Variants in PLEKHG5 observed in about 807,000 individuals in gnomAD.
The protein encoded by PLEKHG5 is pleckstrin homology domain-containing family G member 5.
A neutral mutation model predicts 103.8 loss-of-function variants in PLEKHG5; 52 were observed. The observed-to-expected ratio is 0.50, with a 90% CI of 0.40 to 0.63. PLEKHG5 has a LOEUF of 0.63. Ranked by LOEUF, PLEKHG5 falls within the 30% of genes least tolerant of loss-of-function variation. The probability of loss-of-function intolerance (pLI) is 0.00; values close to 1 mark genes in which losing one functional copy is unlikely to be tolerated. For synonymous variants in PLEKHG5, 592 were observed against 575.5 expected, an observed-to-expected ratio of 1.03 and a Z score of -0.41; for missense variants, 1,205 against 1,347.6, an observed-to-expected ratio of 0.89 and a Z score of 1.66.
chr1:6,517,491 G>A lies in PLEKHG5; in HGVS notation c.-165+1954C>T, dbSNP rs545975501. On this transcript the variant is annotated intron_variant, in intron 1 of 21. Transcript: ENST00000377740. Reference sequence around the variant, plus strand: ...AGGGCCAGGCTTATTTAATTAAGTGGCCATTTTACTATGTGAGTGCTAGGG... The same window carrying A: ...AGGGCCAGGCTTATTTAATTAAGTGACCATTTTACTATGTGAGTGCTAGGG... Among the ~76,000 whole-genome samples the A allele has an allele frequency of 3.9e-5, 6 of 152,164 alleles. No individual in the cohort carries two copies. The South Asian group carries it at 1.0e-3, about 26-fold the overall frequency.
Position 6,470,290 on chromosome 1 carries a change from C to A in PLEKHG5, c.1746G>T (p.Thr582=), listed in dbSNP as rs754094101. 1.2e-6 allele frequency: 2 copies of A among 1,614,032 alleles called. No homozygotes were observed. The highest frequency in any genetic ancestry group is 2.2e-5 in the South Asian group (2 of 91,086). The part of the protein sequence containing the change: ...APIPGASPEE[T]RQLLLEGSLR... The stretch of plus-strand genomic sequence containing the variant: ...GGCTCCCCTCCAGCAGCAGCTGCCG[C>A]GTCTCCTCCGGGGAGGCGCCAGGGA... The change falls in exon 16 of 21, where the codon ACG becomes ACT. Residue 582 remains threonine, a synonymous_variant. Coordinates refer to ENST00000377728, the MANE Select transcript of PLEKHG5 (RefSeq NM_020631.6).
In PLEKHG5 at chr1:6,505,123, C is replaced by T. The variant is rs1348170097; in HGVS notation, c.-164-8554G>A. On this transcript the variant is annotated intron_variant, in intron 1 of 21. Coordinates refer to the PLEKHG5 transcript ENST00000377740. This position sits in a 1 kb window ranked among gnomAD's most constrained non-coding sequence, Gnocchi z 4.2. ...AGAACCCAGGCCCAGGCCCCGGCCC[C>T]AGACAGTTCCACAGTGCTGGGAGCT... Among the ~76,000 whole-genome samples the T allele has an allele frequency of 6.6e-6, 1 of 152,208 alleles. No individual in the cohort carries two copies. Among genetic ancestry groups the T allele is most frequent in the African/African-American group, 2.4e-5 (1 of 41,442 alleles).
upstream of PLEKHG5, chr1:6,491,756 C>T: frequency 3.2e-6 from 3 of 931,992 alleles, no homozygotes; most frequent in Non-Finnish European, 3.8e-6. This position sits in a 1 kb window ranked among gnomAD's most constrained non-coding sequence, Gnocchi z 4.1. Flanking sequence ...ACCTCACAGG[C>T]CATTGTTAAG....
At position 6,473,518 on chromosome 1, in the gene PLEKHG5, C is replaced by T. The variant is rs192811593; in HGVS notation, c.592-64G>A. On this transcript the variant is annotated intron_variant, in intron 7 of 20. Transcript: ENST00000377728. Reference sequence around the variant, plus strand: ...CAGCCCCCATGGCCCCACCCCAGGGCGGGTTTCCAGGGCCTCAGGCCAGCC... The same window carrying T: ...CAGCCCCCATGGCCCCACCCCAGGGTGGGTTTCCAGGGCCTCAGGCCAGCC... 6.1e-4 allele frequency: 846 copies of T among 1,384,698 alleles called. 11 individuals are homozygous for T. The African/African-American group carries it at 0.011, about 18-fold the overall frequency. The allele number at this position is 1,384,698 out of a possible 1,614,324, so 85.8% of individuals were successfully genotyped here.
At chr1:6,481,960 G>A (rs901126022) in intron 1 of PLEKHG5, among the ~76,000 whole-genome samples, 19 of 150,616 alleles carry the variant, frequency 1.3e-4, no homozygotes, top group Non-Finnish European at 4.4e-5. Flanking sequence ...CCCATTCAGG[G>A]ACCTCCTGTC....
At chr1:6,517,985 T>A (rs1336374489) in intron 1 of PLEKHG5, among the ~76,000 whole-genome samples, 1 of 151,924 alleles carries the variant, frequency 6.6e-6, no homozygotes, top group Non-Finnish European at 1.5e-5. Context: ...CAGGCTGGAG[T>A]GCAGTGGCTC....
In PLEKHG5 at chr1:6,474,956, A is replaced by G. The variant is rs946017801; in HGVS notation, c.302+91T>C. The G allele has an allele frequency of 1.8e-4, 152 of 852,586 alleles. No individual in the cohort carries two copies. The African/African-American group carries it at 2.4e-3, about 13-fold the overall frequency. The allele number at this position is 852,586 out of a possible 1,614,324, so 52.8% of individuals were successfully genotyped here. On this transcript the variant is annotated intron_variant, in intron 5 of 20. Coordinates refer to ENST00000377728, the MANE Select transcript of PLEKHG5 (RefSeq NM_020631.6). Reference sequence around the variant, plus strand: ...CGCTCACGGGCCACCACACAGACACACACGTCACACCTGCAGAGACCCGGA... The same window carrying G: ...CGCTCACGGGCCACCACACAGACACGCACGTCACACCTGCAGAGACCCGGA...
chr1:6,474,705 C>A (rs997674447), intron 5 of PLEKHG5, 118 bp from the exon 6 acceptor site: 77 of 1,037,526 alleles, frequency 7.4e-5, no homozygotes, highest in Non-Finnish European at 9.8e-5. Flanking sequence ...ACCTTCCCAA[C>A]GGAAAAGGGA....
rs528510200 is a variant in PLEKHG5 at position 6,486,591 on chromosome 1, C to A, written c.-88+5046G>T. 1.2e-4 allele frequency among the ~76,000 whole-genome samples: 18 copies of A among 152,348 alleles called. No individual in the cohort carries two copies. The highest frequency in any genetic ancestry group is 2.1e-4 in the Non-Finnish European group (14 of 68,034). ...GAGGCATCAGGAAACCCTGGCGACCCACATGGCACAGCAGCCCAGGTCCCT... is the reference window on the plus strand; with the variant it reads ...GAGGCATCAGGAAACCCTGGCGACCAACATGGCACAGCAGCCCAGGTCCCT... On this transcript the variant is annotated intron_variant, in intron 1 of 20. Transcript: ENST00000377728. The surrounding 1 kb of genome is among the most constrained non-coding windows in gnomAD (Gnocchi z 5.3).
Position 6,477,671 on chromosome 1 carries a change from C to A in PLEKHG5, c.-87-13G>T, listed in dbSNP as rs1644799988. On this transcript the variant is annotated splice_polypyrimidine_tract_variant and intron_variant, in intron 1 of 20. Coordinates refer to ENST00000377728, the MANE Select transcript of PLEKHG5 (RefSeq NM_020631.6). Reference sequence around the variant, plus strand: ...CGTGGTGACATACCTGGGGTGGGGACAGAAGCCTTCAGGAGGTCCACGAGA... The same window carrying A: ...CGTGGTGACATACCTGGGGTGGGGAAAGAAGCCTTCAGGAGGTCCACGAGA... 3.1e-6 allele frequency: 5 copies of A among 1,599,542 alleles called. No individual in the cohort carries two copies. The highest frequency in any genetic ancestry group is 1.7e-5 in the Admixed American group (1 of 59,936).
chr1:6,509,122 C>A (rs916294165), intron 1 of PLEKHG5, among the ~76,000 whole-genome samples: 1 of 152,248 alleles, frequency 6.6e-6, no homozygotes, highest in South Asian at 2.1e-4. Flanking sequence ...GGAAGCCTCA[C>A]GGCCTCTGGA....
intron 7 of PLEKHG5, 37 bp downstream of exon 7, chr1:6,473,976 T>TTG: frequency 4.7e-6 from 6 of 1,265,558 alleles, no homozygotes; most frequent in South Asian, 1.3e-5. Flanking sequence ...CTGGGCCCCT[T>TTG]CCCACCCCCT....
Position 6,477,523 on chromosome 1 carries a change from G to T in PLEKHG5, c.43+6C>A. ...GGGCCGAGCTGCGGCTCCCGCCTGT[G>T]CTCACCTTGTGGGGGAAGGTCGAAG... On this transcript the variant is annotated splice_donor_region_variant and intron_variant, in intron 2 of 20. Coordinates refer to ENST00000377728, the MANE Select transcript of PLEKHG5 (RefSeq NM_020631.6). The T allele has an allele frequency of 6.2e-7, 1 of 1,611,136 alleles. No individual in the cohort carries two copies. The highest frequency in any genetic ancestry group is 8.5e-7 in the Non-Finnish European group (1 of 1,179,890).
chr1:6,514,445 C>CTCCAT (rs1217881907), intron 1 of PLEKHG5, among the ~76,000 whole-genome samples: 1 of 150,614 alleles, frequency 6.6e-6, no homozygotes. Context: ...CAGAGCAAGA[C>CTCCAT]CCTGCCTCAA....
Position 6,467,274 on chromosome 1 carries a change from G to A in PLEKHG5, c.*289C>T. 1 of 572,300 alleles carries A rather than the reference G, an allele frequency of 1.7e-6. No homozygotes were observed. Among genetic ancestry groups the A allele is most frequent in the East Asian group, 3.0e-5 (1 of 33,894 alleles). The allele number at this position is 572,300 out of a possible 1,614,324, so 35.5% of individuals were successfully genotyped here. A position where few individuals can be genotyped will look rare whatever the true frequency, so the allele number is the denominator to read the frequency against. On this transcript the variant is annotated 3_prime_UTR_variant, in exon 21 of 21. Coordinates refer to ENST00000377728, the MANE Select transcript of PLEKHG5 (RefSeq NM_020631.6). ...CTGGAGGCCAGTGAGGGTAGAAGTA[G>A]GATGGGCAGCCTAGGAGCCCAGCCC...
chr1:6,514,438 A>G (rs1200665317), intron 1 of PLEKHG5, among the ~76,000 whole-genome samples: 1 of 151,522 alleles, frequency 6.6e-6, no homozygotes. Context: ...TTGGTGACAG[A>G]GCAAGACCCT....
chr1:6,515,809 C>T (rs1344287907), intron 1 of PLEKHG5, among the ~76,000 whole-genome samples: 1 of 152,158 alleles, frequency 6.6e-6, no homozygotes, highest in Non-Finnish European at 1.5e-5. Flanking sequence ...AGTCCCCTAC[C>T]GCTGCCCCTG....
upstream of PLEKHG5, among the ~76,000 whole-genome samples, chr1:6,494,118 AT>A (rs36105555): frequency 0.03 from 2,254 of 75,548 alleles, 60 homozygotes; most frequent in African/African-American, 0.098. Flanking sequence ...CACCTGGCTA[AT>A]TTTTTTTTTT....
Position 6,467,483 on chromosome 1 carries a change from G to T in PLEKHG5, c.*80C>A. 1 of 1,345,010 alleles carries T rather than the reference G, an allele frequency of 7.4e-7. No individual in the cohort carries two copies. The highest frequency in any genetic ancestry group is 1.1e-6 in the Non-Finnish European group (1 of 935,454). 83.3% of individuals were successfully genotyped at this position (1,345,010 alleles called of 1,614,324 possible). On this transcript the variant is annotated 3_prime_UTR_variant, in exon 21 of 21. Coordinates refer to ENST00000377728, the MANE Select transcript of PLEKHG5 (RefSeq NM_020631.6). ...CTCATGCATACAGGAGGCAGTAGCT[G>T]AAGCAGGTGCCGGCACGCCCCAGGA...
Sources: allele counts gnomAD v4.1 joint callset (sites outside exome capture counted in the v4.1 genomes callset), GRCh38; gene constraint gnomAD v4.1.1; non-coding constraint Gnocchi (gnomAD v3.1); transcripts MANE v1.5; gene names NCBI Gene and HGNC (gene_info 2026-07-23, HGNC 2026-07-21).